The following STXBP5L variants were observed in gnomAD, a reference collection of about 807,000 sequenced individuals.
The protein encoded by STXBP5L is syntaxin binding protein 5L.
Under a neutral mutation model 144.5 loss-of-function variants are expected in STXBP5L, and 65 were observed. That is an observed-to-expected ratio of 0.45 (90% CI 0.37 to 0.55). The LOEUF (loss-of-function observed/expected upper bound fraction) is 0.55. STXBP5L is among the 20% of genes least tolerant of loss of function. The pLI, the probability that STXBP5L is intolerant of heterozygous loss-of-function variation, is 0.00. For synonymous variants in STXBP5L, 505 were observed against 469.6 expected (o/e 1.08, Z -0.97); for missense variants, 1,298 against 1,405.5 (o/e 0.92, Z 1.22).
intron 20 of STXBP5L, among the ~76,000 whole-genome samples, chr3:121,338,592 C>A (rs977956696): frequency 3.7e-3 from 376 of 101,550 alleles, no homozygotes; most frequent in East Asian, 4.9e-3. Flanking sequence ...GCATTTCTGT[C>A]AAAAAAAAAA....
At chr3:121,254,463 T>C (rs939316720) in intron 15 of STXBP5L, among the ~76,000 whole-genome samples, 4 of 152,088 alleles carry the variant, frequency 2.6e-5, no homozygotes, top group African/African-American at 9.7e-5. Flanking sequence ...GTAAACCCTC[T>C]AGGAATACCA....
At chr3:121,418,699 A>G (rs2047296286) in intron 26 of STXBP5L, 142 bp downstream of exon 26, 2 of 850,404 alleles carry the variant, frequency 2.4e-6, no homozygotes, top group Non-Finnish European at 3.6e-6. Context: ...TCTAAGTATT[A>G]TAATTCTCCC....
intron 3 of STXBP5L, among the ~76,000 whole-genome samples, chr3:120,972,165 A>T (rs758242102): frequency 2.6e-5 from 4 of 152,106 alleles, no homozygotes; most frequent in Non-Finnish European, 4.4e-5. Flanking sequence ...TGATTTGGGC[A>T]GTATGGTCAT....
At chr3:120,942,760 G>C (rs958931927) in intron 2 of STXBP5L, among the ~76,000 whole-genome samples, 1 of 151,228 alleles carries the variant, frequency 6.6e-6, no homozygotes, top group Non-Finnish European at 1.5e-5. Context: ...TGCTGAATTA[G>C]CTTGAATTTA....
intron 3 of STXBP5L, among the ~76,000 whole-genome samples, chr3:121,005,983 C>G (rs983384639): frequency 6.6e-6 from 1 of 151,952 alleles, no homozygotes. Flanking sequence ...TATGTGGTCA[C>G]TTTTGGAATA....
chr3:121,219,624 C>A (rs2048913465), intron 10 of STXBP5L, among the ~76,000 whole-genome samples: 2 of 152,138 alleles, frequency 1.3e-5, no homozygotes, highest in South Asian at 4.1e-4. Flanking sequence ...GATTTATATA[C>A]TGACTACCAC....
chr3:121,008,239 C>T (rs1266937106), intron 3 of STXBP5L, among the ~76,000 whole-genome samples: 2 of 151,958 alleles, frequency 1.3e-5, no homozygotes, highest in African/African-American at 4.8e-5. Flanking sequence ...TCTAGCCCCT[C>T]ATAATAATCA....
intron 20 of STXBP5L, among the ~76,000 whole-genome samples, chr3:121,323,801 G>T (rs1482963007): frequency 1.3e-5 from 2 of 152,162 alleles, no homozygotes; most frequent in East Asian, 1.9e-4. Flanking sequence ...TCCCAAGAGG[G>T]TGAGTAGGTG....
rs535456300 is a variant in STXBP5L, at chr3:120,982,174, TG to T, written c.287+27139del. 1.4e-3 allele frequency among the ~76,000 whole-genome samples: 214 copies of T among 152,308 alleles called. 2 individuals are homozygous for T. In the Middle Eastern group the frequency reaches 0.027, roughly 19 times the overall value. ...TAGCATCTATGTGTAAGAGTGGCTG[TG>T]GCAGAAGCAGATGGGTATGGGCTTG... On this transcript the variant is annotated intron_variant, in intron 3 of 26. Transcript: ENST00000471454.
chr3:121,417,508 G>T (rs1387144354), intron 25 of STXBP5L, among the ~76,000 whole-genome samples: 1 of 148,852 alleles, frequency 6.7e-6, no homozygotes, highest in African/African-American at 2.4e-5. Context: ...TGGCTGCCCA[G>T]GCTTTAGAGT....
intron 2 of STXBP5L, chr3:120,924,703 A>ATTTTTATTTATT (rs1709524113): frequency 6.6e-6 from 1 of 151,320 alleles, no homozygotes; most frequent in African/African-American, 2.4e-5. Flanking sequence ...TATTTTATTT[A>ATTTTTATTTATT]TTTTTATTTA....
intron 9 of STXBP5L, among the ~76,000 whole-genome samples, chr3:121,202,776 C>T (rs1002020431): frequency 6.6e-6 from 1 of 151,912 alleles, no homozygotes; most frequent in Non-Finnish European, 1.5e-5. Context: ...AGCTGTTAAT[C>T]TTAATAGGGT....
chr3:120,957,176 C>A (rs1303740091), intron 3 of STXBP5L, among the ~76,000 whole-genome samples: 7 of 151,824 alleles, frequency 4.6e-5, no homozygotes, highest in Non-Finnish European at 1.0e-4. Context: ...TTCCACTGAT[C>A]TATAGGTATG....
chr3:121,096,846 T>C (rs1032842651), intron 5 of STXBP5L, among the ~76,000 whole-genome samples: 4 of 152,110 alleles, frequency 2.6e-5, no homozygotes, highest in African/African-American at 9.7e-5. Flanking sequence ...GAGCAGGCAG[T>C]CTGATGGTTA....
intron 20 of STXBP5L, among the ~76,000 whole-genome samples, chr3:121,355,640 T>G (rs1168587372): frequency 2.0e-5 from 3 of 152,188 alleles, no homozygotes; most frequent in Admixed American, 2.0e-4. Flanking sequence ...ACCTGCTCCT[T>G]TAGCTCGGAG....
chr3:121,365,889 T>G (rs965423497), intron 20 of STXBP5L, among the ~76,000 whole-genome samples: 11 of 151,868 alleles, frequency 7.2e-5, no homozygotes, highest in African/African-American at 2.4e-4. Context: ...TTTTTTATTA[T>G]AAGTATTTAT....
rs894294330 is a variant in STXBP5L at position 121,422,486 on chromosome 3, G to C, written c.*3389G>C. On this transcript the variant is annotated 3_prime_UTR_variant, in exon 27 of 27. Transcript: ENST00000471454. ...AGGTATTTGTTTCCCTGATAATAAC[G>C]TGAGCAATAGTCCCTACCTTGAAAT... The C allele has an allele frequency of 6.6e-6, 1 of 152,100 alleles. No homozygotes were observed. The highest frequency in any genetic ancestry group is 2.1e-4 in the South Asian group (1 of 4,836). 9.4% of individuals were successfully genotyped at this position (152,100 alleles called of 1,614,324 possible).
chr3:121,298,750 T>A (rs2051763991), intron 19 of STXBP5L, among the ~76,000 whole-genome samples: 1 of 152,106 alleles, frequency 6.6e-6, no homozygotes, highest in African/African-American at 2.4e-5. Context: ...ATTGCCAGGA[T>A]CTGTGGAGAG....
At chr3:121,361,243 T>C (rs958936397) in intron 20 of STXBP5L, among the ~76,000 whole-genome samples, 20 of 152,190 alleles carry the variant, frequency 1.3e-4, no homozygotes, top group Non-Finnish European at 2.8e-4. Context: ...CTTTTGGGAG[T>C]TTGATTATTA....
Sources: allele counts gnomAD v4.1 joint callset (sites outside exome capture counted in the v4.1 genomes callset), GRCh38; gene constraint gnomAD v4.1.1; transcripts MANE v1.5; gene names NCBI Gene and HGNC (gene_info 2026-07-23, HGNC 2026-07-21).